AP1AR: variants seen among roughly 807,000 people sequenced by gnomAD.
AP1AR encodes AP-1 complex-associated regulatory protein.
A neutral mutation model predicts 46.3 loss-of-function variants in AP1AR; 29 were observed. That is an observed-to-expected ratio of 0.63 (90% confidence interval 0.47 to 0.85). The LOEUF (loss-of-function observed/expected upper bound fraction) is 0.85. Among genes scored for constraint, AP1AR ranks in the 40% least tolerant of loss-of-function variants. AP1AR has a pLI of 0.00. For missense variants in AP1AR, 357 were observed against 356.3 expected, an observed-to-expected ratio of 1.00 and a Z score of -0.02; for synonymous variants, 122 against 122.9, an observed-to-expected ratio of 0.99 and a Z score of 0.05.
At chr4:112,264,718 C>T (rs1225705718) in intron 6 of AP1AR, among the ~76,000 whole-genome samples, 1 of 151,908 alleles carries the variant, frequency 6.6e-6, no homozygotes, top group Non-Finnish European at 1.5e-5. Context: ...CTTGGGTATA[C>T]TAAGAATGTT....
Position 112,252,026 on chromosome 4 carries a change from T to A in AP1AR, c.84-1182T>A, listed in dbSNP as rs573193546. Among the ~76,000 whole-genome samples, 59 of 152,250 alleles carry A rather than the reference T, an allele frequency of 3.9e-4. 1 individual carries two copies. Among genetic ancestry groups the A allele is most frequent in the African/African-American group, 1.2e-3 (51 of 41,540 alleles). On this transcript the variant is annotated intron_variant, in intron 1 of 9. Transcript: ENST00000274000. The stretch of plus-strand genomic sequence containing the variant: ...GCACTTTGGGAGTCCCAGAATTACT[T>A]GAGCCCAAGAATTTGCGACCAGGCT...
intron 5 of AP1AR, among the ~76,000 whole-genome samples, chr4:112,261,798 A>C (rs1263481029): frequency 6.6e-6 from 1 of 151,744 alleles, no homozygotes; most frequent in East Asian, 1.9e-4. Context: ...GTGAAAACCC[A>C]TCTCTAAAAA....
At chr4:112,250,379 T>A (rs1469176781) in intron 1 of AP1AR, among the ~76,000 whole-genome samples, 2 of 152,230 alleles carry the variant, frequency 1.3e-5, no homozygotes, top group Non-Finnish European at 2.9e-5. Context: ...TTCAAACCAT[T>A]AGGACGTTGG....
intron 1 of AP1AR, among the ~76,000 whole-genome samples, chr4:112,241,475 A>G (rs1259155372): frequency 6.6e-6 from 1 of 152,198 alleles, no homozygotes; most frequent in African/African-American, 2.4e-5. Context: ...GTCTCAGCTC[A>G]AGCAGTCAAG....
At chr4:112,265,507 T>C (rs1726662940) in intron 7 of AP1AR, among the ~76,000 whole-genome samples, 1 of 151,982 alleles carries the variant, frequency 6.6e-6, no homozygotes, top group Non-Finnish European at 1.5e-5. Flanking sequence ...GACTTATGGC[T>C]AAGCTTTGGA....
chr4:112,239,227 C>G (rs1725379252), intron 1 of AP1AR, among the ~76,000 whole-genome samples: 2 of 152,184 alleles, frequency 1.3e-5, no homozygotes, highest in Admixed American at 1.3e-4. Context: ...ACATCTCCCT[C>G]TAGCTGTTAC....
Position 112,272,102 on chromosome 4 carries a change from TG to T in AP1AR, c.*3697del, listed in dbSNP as rs1357995306. 6.6e-6 allele frequency among the ~76,000 whole-genome samples: 1 copy of T among 152,010 alleles called. No individual in the cohort carries two copies. On this transcript the variant is annotated 3_prime_UTR_variant, in exon 10 of 10. Coordinates refer to ENST00000274000, the MANE Select transcript of AP1AR (RefSeq NM_018569.6). ...AATGAAGGGATGGAAACTGGGGAGT[TG>T]GGGATGAAGAATAAAGAACAGCTAA...
At chr4:112,240,649 T>C (rs746927105) in intron 1 of AP1AR, among the ~76,000 whole-genome samples, 1 of 152,192 alleles carries the variant, frequency 6.6e-6, no homozygotes, top group Non-Finnish European at 1.5e-5. Context: ...TGCCGCTCCC[T>C]GAAACATCTC....
intron 1 of AP1AR, among the ~76,000 whole-genome samples, chr4:112,236,315 T>A (rs1725237216): frequency 6.6e-6 from 1 of 151,924 alleles, no homozygotes; most frequent in African/African-American, 2.4e-5. Context: ...TGAGTTAGGC[T>A]TTCTAAAACC....
At chr4:112,244,018 T>C (rs972243671) in intron 1 of AP1AR, among the ~76,000 whole-genome samples, 1 of 152,198 alleles carries the variant, frequency 6.6e-6, no homozygotes, top group African/African-American at 2.4e-5. Flanking sequence ...TATTGTATAA[T>C]ATTCCTATAT....
At chr4:112,264,899 C>CT (rs528800376) in intron 6 of AP1AR, 110 bp from the exon 7 acceptor site, 8,058 of 700,014 alleles carry the variant, frequency 0.012, no homozygotes, top group South Asian at 0.016. Context: ...AACAAAATAA[C>CT]TTTTTTTTTT....
chr4:112,243,808 C>T (rs1364352818), intron 1 of AP1AR, among the ~76,000 whole-genome samples: 1 of 151,976 alleles, frequency 6.6e-6, no homozygotes, highest in Non-Finnish European at 1.5e-5. Flanking sequence ...GGTGGATATA[C>T]CTAGGAGTAG....
At chr4:112,240,721 A>G (rs953183012) in intron 1 of AP1AR, among the ~76,000 whole-genome samples, 3 of 152,288 alleles carry the variant, frequency 2.0e-5, no homozygotes, top group African/African-American at 7.2e-5. Context: ...ATGACACCTC[A>G]TCTGAACATA....
intron 1 of AP1AR, among the ~76,000 whole-genome samples, chr4:112,247,740 A>G (rs1013219222): frequency 6.6e-6 from 1 of 152,256 alleles, no homozygotes; most frequent in African/African-American, 2.4e-5. Context: ...AACATATGTC[A>G]GCGTGTCTTT....
rs1725029864 is a variant in AP1AR, at chr4:112,232,127, G to A, written c.36G>A (p.Leu12=). 1.6e-6 allele frequency: 2 copies of A among 1,285,982 alleles called. No individual in the cohort carries two copies. The highest frequency in any genetic ancestry group is 2.7e-5 in the South Asian group (1 of 36,822). The allele number at this position is 1,285,982 out of a possible 1,614,324, so 79.7% of individuals were successfully genotyped here. The change falls in exon 1 of 10, where the codon CTG becomes CTA. Residue 12 remains leucine, a synonymous_variant. Coordinates refer to ENST00000274000, the MANE Select transcript of AP1AR (RefSeq NM_018569.6). ...GNCCWTQCFG[L]LRKEAGRLQR... Reference sequence around the variant, plus strand: ...GCTGCTGGACGCAGTGCTTCGGACTGCTTCGCAAGGAAGCGGGGCGGCTGC... The same window carrying A: ...GCTGCTGGACGCAGTGCTTCGGACTACTTCGCAAGGAAGCGGGGCGGCTGC...
At chr4:112,254,312 A>G (rs1345007457) in intron 2 of AP1AR, among the ~76,000 whole-genome samples, 1 of 152,194 alleles carries the variant, frequency 6.6e-6, no homozygotes, top group Non-Finnish European at 1.5e-5. Context: ...GAATAGACGG[A>G]TAAATATAAA....
intron 3 of AP1AR, among the ~76,000 whole-genome samples, chr4:112,256,612 G>A (rs946930242): frequency 1.8e-4 from 28 of 152,202 alleles, no homozygotes; most frequent in African/African-American, 6.5e-4. Flanking sequence ...CTGTTTTGTA[G>A]TGCTACTTTC....
chr4:112,268,268 T>C lies in AP1AR; in HGVS notation c.768T>C (p.Asn256=), dbSNP rs1726791982. 2 of 1,613,206 alleles carry C rather than the reference T, an allele frequency of 1.2e-6. No individual in the cohort carries two copies. Among genetic ancestry groups the C allele is most frequent in the Non-Finnish European group, 8.5e-7 (1 of 1,179,426 alleles). ...CTACATCAGCCTCTGATGATTCCAA[T>C]GGGCTGGAGTGGGAAAATGATTTTG... is the stretch of plus-strand genomic sequence containing the variant. ...SNPTSASDDS[N]GLEWENDFVS... The change falls in exon 10 of 10, where the codon AAT becomes AAC. Residue 256 remains asparagine, a synonymous_variant. Transcript: ENST00000274000.
chr4:112,249,534 G>A (rs1183066838), intron 1 of AP1AR, among the ~76,000 whole-genome samples: 2 of 151,922 alleles, frequency 1.3e-5, no homozygotes, highest in East Asian at 3.9e-4. Context: ...GTGGGCGCCT[G>A]TAATTCCAGC....
Sources: allele counts gnomAD v4.1 joint callset (sites outside exome capture counted in the v4.1 genomes callset), GRCh38; gene constraint gnomAD v4.1.1; transcripts MANE v1.5; gene names NCBI Gene and HGNC (gene_info 2026-07-23, HGNC 2026-07-21).